PCDHGA5: variants seen among roughly 807,000 people sequenced by gnomAD.
The protein encoded by PCDHGA5 is protocadherin gamma subfamily A, 5.
Under a neutral mutation model 56.7 loss-of-function variants are expected in PCDHGA5, and 36 were observed. The observed-to-expected ratio is 0.64, with a 90% CI of 0.49 to 0.84. The LOEUF is 0.84. Ranked by LOEUF, PCDHGA5 falls within the 40% of genes least tolerant of loss-of-function variation. The probability of loss-of-function intolerance (pLI) is 0.00; values close to 1 mark genes in which losing one functional copy is unlikely to be tolerated. For synonymous variants in PCDHGA5, 563 were observed against 520.2 expected, an observed-to-expected ratio of 1.08 and a Z score of -1.12; for missense variants, 1,305 against 1,201.5, an observed-to-expected ratio of 1.09 and a Z score of -1.27.
intron 1 of PCDHGA5, among the ~76,000 whole-genome samples, chr5:141,405,666 C>T (rs752033736): frequency 3.3e-5 from 5 of 152,198 alleles, no homozygotes; most frequent in Admixed American, 6.5e-5. Flanking sequence ...TTAGTAGAGA[C>T]GGGGTGTCAC....
At chr5:141,379,424 G>T (rs1775590923) in intron 1 of PCDHGA5, 1 of 152,218 alleles carries the variant, frequency 6.6e-6, no homozygotes, top group East Asian at 1.9e-4. Flanking sequence ...TCATGAGTTA[G>T]ATGGGCTGTT....
At chr5:141,503,729 G>C (rs531112359) in intron 2 of PCDHGA5, among the ~76,000 whole-genome samples, 1 of 152,190 alleles carries the variant, frequency 6.6e-6, no homozygotes, top group East Asian at 1.9e-4. Flanking sequence ...CTTTATGTTT[G>C]TTGTGATGGT....
chr5:141,473,219 G>A (rs1198994780), intron 1 of PCDHGA5, among the ~76,000 whole-genome samples: 2 of 151,864 alleles, frequency 1.3e-5, no homozygotes, highest in Non-Finnish European at 2.9e-5. Flanking sequence ...TTACTTCCAG[G>A]GAGATTGGAT....
Position 141,476,562 on chromosome 5 carries a change from C to G in PCDHGA5, c.2422-18245C>G. 1 of 1,614,218 alleles carries G rather than the reference C, an allele frequency of 6.2e-7. No individual in the cohort carries two copies. The highest frequency in any genetic ancestry group is 1.1e-5 in the South Asian group (1 of 91,088). On this transcript the variant is annotated intron_variant, in intron 1 of 3. Transcript: ENST00000518069. This position sits in a 1 kb window ranked among gnomAD's most constrained non-coding sequence, Gnocchi z 7.6. The stretch of plus-strand genomic sequence containing the variant: ...AAATTGGAGATTAGCGAGGCCGTGG[C>G]TCCGGGGACGCGCTTTCCGCTCGAG...
chr5:141,435,104 G>A (rs1009839042), intron 1 of PCDHGA5, among the ~76,000 whole-genome samples: 1 of 151,968 alleles, frequency 6.6e-6, no homozygotes, highest in Non-Finnish European at 1.5e-5. Flanking sequence ...TTATCTAGGG[G>A]GGAGAAATCT....
At chr5:141,464,657 T>G (rs575409062) in intron 1 of PCDHGA5, among the ~76,000 whole-genome samples, 1 of 152,312 alleles carries the variant, frequency 6.6e-6, no homozygotes, top group South Asian at 2.1e-4. Context: ...GGTAAAAAGA[T>G]ATCTCCAAAT....
At chr5:141,380,721 T>C (rs1228432392) in intron 1 of PCDHGA5, among the ~76,000 whole-genome samples, 3 of 152,238 alleles carry the variant, frequency 2.0e-5, no homozygotes, top group Non-Finnish European at 4.4e-5. Flanking sequence ...TAACTAGCTC[T>C]TATTTCCTTT....
At chr5:141,421,662 G>A (rs2096591243) in intron 1 of PCDHGA5, 3 of 1,613,844 alleles carry the variant, frequency 1.9e-6, no homozygotes, top group South Asian at 1.1e-5. Context: ...AAGTCAGTGA[G>A]CACGCAATTC....
At chr5:141,470,112 G>T (rs1186184232) in intron 1 of PCDHGA5, among the ~76,000 whole-genome samples, 1 of 152,104 alleles carries the variant, frequency 6.6e-6, no homozygotes, top group Non-Finnish European at 1.5e-5. Flanking sequence ...CTGAGCAACA[G>T]AGCAAGACTT....
chr5:141,490,181 G>T lies in PCDHGA5; in HGVS notation c.2422-4626G>T, dbSNP rs755899660. ...GGTCCCATAGACTTTGAGGAGTCAC[G>T]TTTCTATGAAATTCATGCAAGAGCC... is the stretch of plus-strand genomic sequence containing the variant. On this transcript the variant is annotated intron_variant, in intron 1 of 3. Coordinates refer to ENST00000518069, the MANE Select transcript of PCDHGA5 (RefSeq NM_018918.3). The surrounding 1 kb of genome is among the most constrained non-coding windows in gnomAD (Gnocchi z 5.4). The T allele has an allele frequency of 6.2e-7, 1 of 1,614,200 alleles. No individual in the cohort carries two copies. The highest frequency in any genetic ancestry group is 8.5e-7 in the Non-Finnish European group (1 of 1,180,030).
chr5:141,407,529 T>G (rs2154538729), intron 1 of PCDHGA5, among the ~76,000 whole-genome samples: 1 of 151,552 alleles, frequency 6.6e-6, no homozygotes, highest in South Asian at 2.1e-4. Context: ...CTTAACTTAT[T>G]GTGCATTGGT....
chr5:141,511,728 A>C lies in PCDHGA5; in HGVS notation c.*555A>C, dbSNP rs904031366. 2.2e-5 allele frequency: 4 copies of C among 177,940 alleles called. No homozygotes were observed. The highest frequency in any genetic ancestry group is 7.0e-5 in the African/African-American group (3 of 42,626). 11.0% of individuals were successfully genotyped at this position (177,940 alleles called of 1,614,324 possible). ...TCACCTCCTTCCAGAGCCCAAGATC[A>C]ATGCTCAAGTTTTGGAGGACATGAT... On this transcript the variant is annotated 3_prime_UTR_variant, in exon 4 of 4. Coordinates refer to ENST00000518069, the MANE Select transcript of PCDHGA5 (RefSeq NM_018918.3).
intron 1 of PCDHGA5, among the ~76,000 whole-genome samples, chr5:141,462,069 C>T (rs555164288): frequency 4.3e-4 from 65 of 151,850 alleles, no homozygotes; most frequent in Non-Finnish European, 7.5e-4. Context: ...GTGATCTGCC[C>T]GCCTTGGCCT....
intron 1 of PCDHGA5, chr5:141,414,536 C>T (rs2095757034): frequency 6.2e-7 from 1 of 1,613,976 alleles, no homozygotes; most frequent in African/African-American, 1.3e-5. Context: ...GACAACCCAC[C>T]TACCTTCTCT....
At chr5:141,409,590 A>G (rs755702950) in intron 1 of PCDHGA5, 1 of 1,613,898 alleles carries the variant, frequency 6.2e-7, no homozygotes, top group Non-Finnish European at 8.5e-7. Context: ...CACGTGGCCG[A>G]GAACAACCCG....
chr5:141,404,043 C>G (rs781644500), intron 1 of PCDHGA5: 1 of 1,613,726 alleles, frequency 6.2e-7, no homozygotes, highest in African/African-American at 1.3e-5. Flanking sequence ...CCTCAGGGAA[C>G]AGTAATTCTT....
intron 1 of PCDHGA5, among the ~76,000 whole-genome samples, chr5:141,401,393 A>G (rs2094149748): frequency 6.6e-6 from 1 of 152,202 alleles, no homozygotes. Context: ...ACTACATGTT[A>G]TGTGTATGAG....
At chr5:141,494,938 G>A in intron 2 of PCDHGA5, 73 bp downstream of exon 2, 1 of 1,611,916 alleles carries the variant, frequency 6.2e-7, no homozygotes, top group South Asian at 1.1e-5. Context: ...AGGAGATGGG[G>A]GAGGGCCCAG....
chr5:141,446,528 G>A (rs2098505974), intron 1 of PCDHGA5, among the ~76,000 whole-genome samples: 1 of 151,952 alleles, frequency 6.6e-6, no homozygotes, highest in South Asian at 2.1e-4. Flanking sequence ...CCAGGCTGGA[G>A]TGCAGTGGCC....
Sources: gnomAD v4.1 joint callset for allele counts (sites outside exome capture counted in the v4.1 genomes callset) on GRCh38, gnomAD v4.1.1 for gene constraint, Gnocchi (gnomAD v3.1) non-coding constraint, MANE v1.5 for transcripts, NCBI Gene and HGNC (gene_info 2026-07-23, HGNC 2026-07-21) for gene names.